ARSG: variants seen among roughly 807,000 people sequenced by gnomAD.
ARSG encodes ASG.
In ARSG, 37 loss-of-function variants were observed where a neutral mutation model predicts 50.5. The ratio of observed to expected loss-of-function variants is 0.73; its 90% CI spans 0.56 to 0.96. ARSG has a LOEUF of 0.96. ARSG is among the 50% of genes least tolerant of loss of function. The pLI is 0.00. For missense variants in ARSG, 629 were observed against 675.3 expected, an observed-to-expected ratio of 0.93 and a Z score of 0.76; for synonymous variants, 225 against 254.6, an observed-to-expected ratio of 0.88 and a Z score of 1.11.
At chr17:68,295,671 A>ATTTTT (rs56840354) in intron 1 of ARSG, among the ~76,000 whole-genome samples, 1 of 114,540 alleles carries the variant, frequency 8.7e-6, no homozygotes, top group Non-Finnish European at 1.7e-5. Flanking sequence ...TCTAAGACAA[A>ATTTTT]TTTTTTTTTT....
downstream of ARSG, among the ~76,000 whole-genome samples, chr17:68,425,678 C>T (rs1403219546): frequency 6.6e-6 from 1 of 152,160 alleles, no homozygotes; most frequent in East Asian, 1.9e-4. Context: ...CCCTCCAGCA[C>T]AAGGAAGGCA....
intron 3 of ARSG, chr17:68,346,773 G>A (rs1436132149): frequency 1.5e-6 from 2 of 1,302,828 alleles, no homozygotes; most frequent in East Asian, 1.0e-4. Flanking sequence ...TGCCTTTGCA[G>A]GGCCCCAGCG....
the ARSG span, among the ~76,000 whole-genome samples, chr17:68,431,552 T>A: frequency 3.3e-5 from 5 of 152,102 alleles, no homozygotes; most frequent in African/African-American, 4.8e-5. Flanking sequence ...GGAGGAGGTG[T>A]CATGTTCAAA....
chr17:68,345,129 C>A (rs2078446173), intron 3 of ARSG, among the ~76,000 whole-genome samples: 1 of 152,170 alleles, frequency 6.6e-6, no homozygotes, highest in South Asian at 2.1e-4. Context: ...TGTGAAACTG[C>A]CACTGTGGGC....
intron 2 of ARSG, among the ~76,000 whole-genome samples, chr17:68,331,481 T>C (rs1046374678): frequency 6.6e-6 from 1 of 152,086 alleles, no homozygotes; most frequent in African/African-American, 2.4e-5. Context: ...CCTGACCTCA[T>C]GATCTGCCCG....
intron 6 of ARSG, among the ~76,000 whole-genome samples, chr17:68,365,091 C>G (rs1312388663): frequency 6.6e-6 from 1 of 152,216 alleles, no homozygotes; most frequent in East Asian, 1.9e-4. Flanking sequence ...AGGCAGATCA[C>G]TTGAAGTCAG....
the ARSG span, chr17:68,429,084 T>TATTCCTTTGCATTCTGGCC: frequency 1.6e-6 from 1 of 627,200 alleles, no homozygotes; most frequent in African/African-American, 1.8e-5. Context: ...GGCTTCTGGC[T>TATTCCTTTGCATTCTGGCC]ATTCCTTTGC....
chr17:68,356,664 C>T lies in ARSG; in HGVS notation c.567-3C>T, dbSNP rs779300600. 6.2e-7 allele frequency: 1 copy of T among 1,614,192 alleles called. No homozygotes were observed. The highest frequency in any genetic ancestry group is 1.1e-5 in the South Asian group (1 of 91,082). On this transcript the variant is annotated splice_region_variant and splice_polypyrimidine_tract_variant and intron_variant, in intron 5 of 11. Coordinates refer to ENST00000621439, the MANE Select transcript of ARSG (RefSeq NM_001267727.2). The stretch of plus-strand genomic sequence containing the variant: ...TACTCTATGGTCTGTGGTTTCCACA[C>T]AGGAACCTTCAAAGAGACTGTTACA...
chr17:68,335,248 T>C (rs2077962144), intron 2 of ARSG, among the ~76,000 whole-genome samples: 1 of 151,946 alleles, frequency 6.6e-6, no homozygotes, highest in South Asian at 2.1e-4. Flanking sequence ...ATTATCACTG[T>C]TGTAGTTGAG....
chr17:68,423,208 C>T (rs2082924127), downstream of ARSG, among the ~76,000 whole-genome samples: 1 of 152,194 alleles, frequency 6.6e-6, no homozygotes, highest in Admixed American at 6.5e-5. This position sits in a 1 kb window ranked among gnomAD's most constrained non-coding sequence, Gnocchi z 4.4. Flanking sequence ...CAGAGATTTG[C>T]AATAGGCATG....
At chr17:68,329,804 T>C (rs2077650817) in intron 2 of ARSG, among the ~76,000 whole-genome samples, 1 of 152,264 alleles carries the variant, frequency 6.6e-6, no homozygotes, top group Non-Finnish European at 1.5e-5. Flanking sequence ...TAACGATAAC[T>C]GATAAGCTAA....
At chr17:68,384,128 G>T (rs1600003668) in intron 8 of ARSG, among the ~76,000 whole-genome samples, 1 of 152,262 alleles carries the variant, frequency 6.6e-6, no homozygotes, top group East Asian at 1.9e-4. Context: ...AAGGGAAATT[G>T]CATGACCACA....
chr17:68,413,015 C>T (rs1194807991), intron 11 of ARSG, among the ~76,000 whole-genome samples: 3 of 151,082 alleles, frequency 2.0e-5, no homozygotes, highest in Non-Finnish European at 4.5e-5. Flanking sequence ...TCTAGTTATA[C>T]ATTCTTCTAA....
chr17:68,421,706 G>T (rs143863161), downstream of ARSG: 29 of 1,607,754 alleles, frequency 1.8e-5, no homozygotes, highest in Middle Eastern at 1.6e-3. Flanking sequence ...CCATTCTTCC[G>T]CCTTCCTTGT....
the ARSG span, among the ~76,000 whole-genome samples, chr17:68,437,387 T>G: frequency 4.1e-4 from 62 of 152,080 alleles, 1 homozygote; most frequent in African/African-American, 1.4e-3. Context: ...AAACCCTGTC[T>G]CTATTAAAAA....
intron 8 of ARSG, among the ~76,000 whole-genome samples, chr17:68,380,711 T>G (rs913238563): frequency 1.3e-5 from 2 of 152,220 alleles, no homozygotes; most frequent in African/African-American, 4.8e-5. Flanking sequence ...AGGCTATTAG[T>G]AGTTAAGTTT....
chr17:68,329,824 C>CA (rs549044794), intron 2 of ARSG, among the ~76,000 whole-genome samples: 18 of 152,144 alleles, frequency 1.2e-4, no homozygotes, highest in South Asian at 2.1e-4. Flanking sequence ...AAAAAAATCA[C>CA]AAAAAAATCA....
chr17:68,281,306 C>G (rs1256659505), intron 1 of ARSG, among the ~76,000 whole-genome samples: 1 of 152,122 alleles, frequency 6.6e-6, no homozygotes, highest in Admixed American at 6.6e-5. Context: ...CGGTGGCTCA[C>G]GCCTGTAATC....
intron 8 of ARSG, among the ~76,000 whole-genome samples, chr17:68,376,592 A>T (rs1377541189): frequency 6.6e-6 from 1 of 151,914 alleles, no homozygotes; most frequent in Non-Finnish European, 1.5e-5. Flanking sequence ...CACCTGTCCT[A>T]TGCCTAGCTT....
Sources: allele counts gnomAD v4.1 joint callset (sites outside exome capture counted in the v4.1 genomes callset), GRCh38; gene constraint gnomAD v4.1.1; non-coding constraint Gnocchi (gnomAD v3.1); transcripts MANE v1.5; gene names NCBI Gene and HGNC (gene_info 2026-07-23, HGNC 2026-07-21).